Variants in TBC1D5 observed in about 807,000 individuals in gnomAD.
TBC1D5 encodes TBC1 domain family member 5, also known as TBC1 domain family, member 5.
In TBC1D5, 75 loss-of-function variants were observed where a neutral mutation model predicts 100.3. The ratio of observed to expected loss-of-function variants is 0.75; its 90% CI spans 0.62 to 0.91. TBC1D5 has a LOEUF of 0.91. Ranked by LOEUF, TBC1D5 falls within the 40% of genes least tolerant of loss-of-function variation. TBC1D5 has a pLI of 0.00. For missense variants in TBC1D5, 910 were observed against 942.4 expected (o/e 0.97, Z 0.45); for synonymous variants, 323 against 325.6 (o/e 0.99, Z 0.09).
At chr3:17,273,031 T>C (rs1158070928) in intron 15 of TBC1D5, among the ~76,000 whole-genome samples, 4 of 152,176 alleles carry the variant, frequency 2.6e-5, no homozygotes, top group Non-Finnish European at 5.9e-5. Context: ...TTGACTTTTA[T>C]TTTTTTATGT....
chr3:17,464,232 T>A (rs1397094567), intron 3 of TBC1D5, among the ~76,000 whole-genome samples: 2 of 152,132 alleles, frequency 1.3e-5, no homozygotes, highest in Non-Finnish European at 2.9e-5. Flanking sequence ...AGTGCTGGGA[T>A]TACAGGCATG....
intron 1 of TBC1D5, among the ~76,000 whole-genome samples, chr3:17,704,516 C>T (rs2153895609): frequency 9.3e-6 from 1 of 107,794 alleles, no homozygotes; most frequent in African/African-American, 3.3e-5. Context: ...AGGCGCCCCT[C>T]ACCTCCCGGA....
chr3:17,495,550 C>T (rs746252305), intron 3 of TBC1D5, among the ~76,000 whole-genome samples: 2 of 152,318 alleles, frequency 1.3e-5, no homozygotes, highest in Middle Eastern at 3.4e-3. Flanking sequence ...AGCACATCAC[C>T]TTCTGCTTAC....
At chr3:17,236,072 TG>T (rs1246083811) in intron 17 of TBC1D5, among the ~76,000 whole-genome samples, 2 of 152,180 alleles carry the variant, frequency 1.3e-5, no homozygotes, top group East Asian at 3.9e-4. Context: ...TCCTTATAAC[TG>T]GGGACTTGGT....
intron 19 of TBC1D5, chr3:17,184,480 T>C (rs563184826): frequency 7.9e-5 from 12 of 152,348 alleles, no homozygotes; most frequent in African/African-American, 2.9e-4. Flanking sequence ...AAGGGCAATA[T>C]ACTAGGAGTT....
chr3:17,732,341 A>G (rs1343011471), intron 1 of TBC1D5, among the ~76,000 whole-genome samples: 2 of 150,332 alleles, frequency 1.3e-5, no homozygotes, highest in Non-Finnish European at 3.0e-5. Flanking sequence ...CAAACAAAAA[A>G]AGACTCTTCA....
At chr3:17,168,724 G>A (rs1215138040) in intron 19 of TBC1D5, among the ~76,000 whole-genome samples, 2 of 152,014 alleles carry the variant, frequency 1.3e-5, no homozygotes, top group Admixed American at 6.6e-5. Context: ...TAGATACACC[G>A]ATTTGAGAAT....
chr3:17,336,353 G>A (rs1374449134), intron 13 of TBC1D5, among the ~76,000 whole-genome samples: 2 of 151,960 alleles, frequency 1.3e-5, no homozygotes, highest in Admixed American at 1.3e-4. Flanking sequence ...TATTTAACTG[G>A]GATTGCATTT....
chr3:17,401,374 C>A (rs891336486), intron 8 of TBC1D5, among the ~76,000 whole-genome samples: 2 of 142,988 alleles, frequency 1.4e-5, no homozygotes, highest in African/African-American at 2.6e-5. Context: ...GTATAATATA[C>A]ATATGTATAT....
intron 2 of TBC1D5, among the ~76,000 whole-genome samples, chr3:17,517,482 A>T (rs2096005939): frequency 1.3e-5 from 2 of 152,206 alleles, no homozygotes; most frequent in African/African-American, 4.8e-5. Context: ...ATAAATAAAT[A>T]ATAAAAGAAC....
At chr3:17,635,037 T>C (rs1418222614) in intron 1 of TBC1D5, among the ~76,000 whole-genome samples, 1 of 152,180 alleles carries the variant, frequency 6.6e-6, no homozygotes, top group Admixed American at 6.5e-5. Context: ...TTCAATACTA[T>C]AAACTAAATC....
chr3:17,161,470 C>T (rs1168415024), intron 21 of TBC1D5, among the ~76,000 whole-genome samples: 1 of 152,222 alleles, frequency 6.6e-6, no homozygotes, highest in Admixed American at 6.5e-5. Flanking sequence ...CCCTCTGAAG[C>T]CAAATGCTGG....
intron 21 of TBC1D5, among the ~76,000 whole-genome samples, chr3:17,163,261 C>G (rs1010043644): frequency 1.8e-5 from 1 of 56,358 alleles, no homozygotes; most frequent in Non-Finnish European, 3.1e-5. Context: ...ATTGACCCCC[C>G]CCCCTTCCTT....
At chr3:17,651,223 A>C (rs866398492) in intron 1 of TBC1D5, among the ~76,000 whole-genome samples, 2 of 152,326 alleles carry the variant, frequency 1.3e-5, no homozygotes, top group Middle Eastern at 3.4e-3. Context: ...AAAATTGAAC[A>C]CTCAAAAAAT....
intron 19 of TBC1D5, among the ~76,000 whole-genome samples, chr3:17,179,745 A>C (rs993466225): frequency 1.2e-4 from 19 of 152,212 alleles, no homozygotes; most frequent in Admixed American, 7.9e-4. Context: ...AAGCATGGGA[A>C]ATCAAATTTT....
chr3:17,388,942 A>G (rs1317830377), intron 8 of TBC1D5, among the ~76,000 whole-genome samples: 1 of 152,096 alleles, frequency 6.6e-6, no homozygotes, highest in Non-Finnish European at 1.5e-5. Flanking sequence ...ATAATAATCT[A>G]TTAATCAAAT....
At chr3:17,260,516 A>C (rs2149461014) in intron 15 of TBC1D5, among the ~76,000 whole-genome samples, 1 of 152,332 alleles carries the variant, frequency 6.6e-6, no homozygotes, top group South Asian at 2.1e-4. Context: ...TACTGGTATC[A>C]AAGGGAGAGG....
At chr3:17,628,631 T>C (rs1366591924) in intron 1 of TBC1D5, among the ~76,000 whole-genome samples, 1 of 152,192 alleles carries the variant, frequency 6.6e-6, no homozygotes, top group East Asian at 1.9e-4. Flanking sequence ...GTATCAAGAT[T>C]TAGAATTCCA....
intron 2 of TBC1D5, among the ~76,000 whole-genome samples, chr3:17,615,121 T>G (rs768573095): frequency 2.0e-5 from 3 of 152,232 alleles, no homozygotes; most frequent in Non-Finnish European, 2.9e-5. Context: ...TGAAGGCCTT[T>G]TCTGCATCTA....
Sources: allele counts gnomAD v4.1 joint callset (sites outside exome capture counted in the v4.1 genomes callset), GRCh38; gene constraint gnomAD v4.1.1; transcripts MANE v1.5; gene names NCBI Gene and HGNC (gene_info 2026-07-23, HGNC 2026-07-21).